The following RCHY1 variants were observed in gnomAD, a reference collection of about 807,000 sequenced individuals.
RCHY1 encodes ring finger and CHY zinc finger domain containing 1.
In RCHY1, 21 loss-of-function variants were observed where a neutral mutation model predicts 41.6. The ratio of observed to expected loss-of-function variants is 0.51; its 90% confidence interval spans 0.36 to 0.73. The LOEUF (loss-of-function observed/expected upper bound fraction) is 0.73. Ranked by LOEUF, RCHY1 falls within the 30% of genes least tolerant of loss-of-function variation. The pLI, the probability that RCHY1 is intolerant of heterozygous loss-of-function variation, is 0.00. For missense variants in RCHY1, 265 were observed against 325.3 expected (o/e 0.81, Z 1.43); for synonymous variants, 79 against 102.9 (o/e 0.77, Z 1.41).
At chr4:75,499,639 G>A (rs1723556336) in intron 3 of RCHY1, among the ~76,000 whole-genome samples, 1 of 152,160 alleles carries the variant, frequency 6.6e-6, no homozygotes, top group African/African-American at 2.4e-5. Flanking sequence ...TAGGATGGAG[G>A]TCATTATGTT....
chr4:75,511,795 CG>C (rs1197498166), intron 1 of RCHY1, among the ~76,000 whole-genome samples: 1 of 149,726 alleles, frequency 6.7e-6, no homozygotes, highest in Non-Finnish European at 1.5e-5. Context: ...ACCATCAATG[CG>C]TGTGTCAACA....
At chr4:75,495,356 A>C (rs890932706) in intron 3 of RCHY1, among the ~76,000 whole-genome samples, 1 of 152,016 alleles carries the variant, frequency 6.6e-6, no homozygotes, top group Non-Finnish European at 1.5e-5. Flanking sequence ...GAAATTTGCT[A>C]TATATGGCAA....
intron 4 of RCHY1, among the ~76,000 whole-genome samples, chr4:75,492,461 A>G (rs1221470823): frequency 1.3e-5 from 2 of 152,014 alleles, no homozygotes; most frequent in Admixed American, 1.3e-4. Context: ...GGAGGCCTAG[A>G]GAAGCTAAGG....
intron 3 of RCHY1, among the ~76,000 whole-genome samples, chr4:75,496,467 C>G (rs1157153449): frequency 6.6e-6 from 1 of 151,966 alleles, no homozygotes; most frequent in South Asian, 2.1e-4. Flanking sequence ...AGTAGGATAC[C>G]CATCAGCACA....
At chr4:75,485,844 T>C (rs796602996) in intron 8 of RCHY1, among the ~76,000 whole-genome samples, 20 of 152,358 alleles carry the variant, frequency 1.3e-4, no homozygotes, top group African/African-American at 4.8e-4. Flanking sequence ...GTTATGTGTA[T>C]GTGATAACAT....
intron 1 of RCHY1, among the ~76,000 whole-genome samples, chr4:75,510,957 T>C (rs1040029177): frequency 6.6e-6 from 1 of 152,196 alleles, no homozygotes; most frequent in Non-Finnish European, 1.5e-5. Flanking sequence ...GAAAGGAGTA[T>C]TTTAATAGCC....
At chr4:75,501,458 C>G (rs191016557) in intron 3 of RCHY1, among the ~76,000 whole-genome samples, 7 of 152,112 alleles carry the variant, frequency 4.6e-5, no homozygotes, top group Non-Finnish European at 1.0e-4. Flanking sequence ...CAAAAATCCT[C>G]GAGGGTAGTT....
intron 8 of RCHY1, among the ~76,000 whole-genome samples, chr4:75,488,710 G>C (rs1329728792): frequency 6.6e-6 from 1 of 152,150 alleles, no homozygotes; most frequent in Non-Finnish European, 1.5e-5. Flanking sequence ...CCAATGTTAA[G>C]CATGGACTCA....
intron 3 of RCHY1, among the ~76,000 whole-genome samples, chr4:75,496,166 T>C (rs1723186880): frequency 6.6e-6 from 1 of 152,056 alleles, no homozygotes; most frequent in African/African-American, 2.4e-5. Flanking sequence ...CCCTCCCATC[T>C]GAAAAAATAA....
chr4:75,492,176 C>T (rs1722812311), intron 4 of RCHY1, among the ~76,000 whole-genome samples: 1 of 151,818 alleles, frequency 6.6e-6, no homozygotes, highest in East Asian at 1.9e-4. Flanking sequence ...ACCTTCATTT[C>T]ACAAATAAGG....
intron 3 of RCHY1, among the ~76,000 whole-genome samples, chr4:75,507,449 A>AT (rs1004346935): frequency 1.3e-5 from 2 of 152,066 alleles, no homozygotes; most frequent in Admixed American, 6.5e-5. Context: ...AAAAAGACAA[A>AT]TACTAAGGCA....
chr4:75,512,562 T>C (rs1431677945), intron 1 of RCHY1, among the ~76,000 whole-genome samples: 1 of 152,178 alleles, frequency 6.6e-6, no homozygotes, highest in Non-Finnish European at 1.5e-5. Flanking sequence ...CTCTATTGTA[T>C]CATTTCCTAG....
intron 3 of RCHY1, among the ~76,000 whole-genome samples, chr4:75,495,513 ATGAAAATTCTGCAT>A (rs561246332): frequency 2.6e-5 from 4 of 152,148 alleles, no homozygotes; most frequent in African/African-American, 9.6e-5. Context: ...GAAGAGATAC[ATGAAAATTCTGCAT>A]TGTACCCTCA....
rs72209182 is a variant in RCHY1, at chr4:75,490,495, T to TA, written c.657+85_657+86insT. On this transcript the variant is annotated intron_variant, in intron 8 of 8. Coordinates refer to ENST00000324439, the MANE Select transcript of RCHY1 (RefSeq NM_015436.4). ...CTGTGTCAAACCAGTATATATATAT[T>TA]TTTTTTTTGGCAAATTCAAGCAGGA... 3.9e-3 allele frequency: 3,669 copies of TA among 937,526 alleles called. 27 individuals carry two copies. The highest frequency in any genetic ancestry group is 0.02 in the African/African-American group (1,120 of 56,710). The allele number at this position is 937,526 out of a possible 1,614,324, so 58.1% of individuals were successfully genotyped here. A position where few individuals can be genotyped will look rare whatever the true frequency, so the allele number is the denominator to read the frequency against.
Position 75,479,329 on chromosome 4 carries a change from A to T in RCHY1, c.*3209T>A, listed in dbSNP as rs575318337. On this transcript the variant is annotated 3_prime_UTR_variant, in exon 9 of 9. Transcript: ENST00000324439. ...TAGTTTTGAACAACTCCCATTTAAA[A>T]TTAATTCATTTCAAATTAAACTATT... is the stretch of plus-strand genomic sequence containing the variant. 1 of 152,246 alleles carries T rather than the reference A, an allele frequency of 6.6e-6. No individual in the cohort carries two copies. The highest frequency in any genetic ancestry group is 1.9e-4 in the East Asian group (1 of 5,190). The allele number at this position is 152,246 out of a possible 1,614,324, so 9.4% of individuals were successfully genotyped here. A position where few individuals can be genotyped will look rare whatever the true frequency, so the allele number is the denominator to read the frequency against.
chr4:75,514,368 A>G lies in RCHY1; in HGVS notation c.-82T>C, dbSNP rs1440709115. ...CAGAGAAGCTGCGCCTCTCTAGCAC[A>G]CCCCTCCCAGCCCCAGCGGCCACTA... On this transcript the variant is annotated 5_prime_UTR_variant, in exon 1 of 9. Transcript: ENST00000324439. 2 of 1,452,018 alleles carry G rather than the reference A, an allele frequency of 1.4e-6. No homozygotes were observed. Among genetic ancestry groups the G allele is most frequent in the Non-Finnish European group, 1.9e-6 (2 of 1,074,470 alleles). 89.9% of individuals were successfully genotyped at this position (1,452,018 alleles called of 1,614,324 possible).
In RCHY1 at chr4:75,514,245, C is replaced by A; in HGVS notation, c.42G>T (p.Glu14Asp). 6.2e-7 allele frequency: 1 copy of A among 1,613,086 alleles called. No homozygotes were observed. Among genetic ancestry groups the A allele is most frequent in the South Asian group, 1.1e-5 (1 of 91,060 alleles). ...TAREDGASGQ[E>D]RGQRGCEHYD... ...AGTGCTCGCAGCCCCGCTGACCTCG[C>A]TCTTGACCGCTGGCGCCATCTTCCC... Residue 14 changes from glutamate to aspartate, a missense_variant, in exon 1 of 9, where the codon GAG (glutamate) becomes GAT (aspartate). Glu to Asp is a conservative substitution (Grantham distance 45). Transcript: ENST00000324439.
At chr4:75,482,943 C>T (rs999513054) in intron 8 of RCHY1, among the ~76,000 whole-genome samples, 4 of 151,806 alleles carry the variant, frequency 2.6e-5, no homozygotes, top group Non-Finnish European at 4.4e-5. Context: ...ATAGTACAAG[C>T]AAGAAAATTA....
chr4:75,495,649 CAAG>C (rs1036858358), intron 3 of RCHY1, among the ~76,000 whole-genome samples: 2 of 151,990 alleles, frequency 1.3e-5, no homozygotes, highest in Admixed American at 6.6e-5. Flanking sequence ...AGGCAAAAAA[CAAG>C]AAGAGCCTGA....
Sources: allele counts gnomAD v4.1 joint callset (sites outside exome capture counted in the v4.1 genomes callset), GRCh38; gene constraint gnomAD v4.1.1; transcripts MANE v1.5; gene names NCBI Gene and HGNC (gene_info 2026-07-23, HGNC 2026-07-21).